ANK3: variants seen among roughly 807,000 people sequenced by gnomAD.
ANK3 encodes ankyrin 3, also known as ankyrin-3.
A neutral mutation model predicts 370.9 loss-of-function variants in ANK3; 57 were observed. The ratio of observed to expected loss-of-function variants is 0.15; its 90% CI spans 0.12 to 0.19. The LOEUF (loss-of-function observed/expected upper bound fraction) is 0.19. Ranked by LOEUF, ANK3 falls within the 10% of genes least tolerant of loss-of-function variation. The pLI is 1.00. For synonymous variants in ANK3, 1,929 were observed against 1,946.3 expected (o/e 0.99, Z 0.23); for missense variants, 4,439 against 5,302.1 (o/e 0.84, Z 5.06).
chr10:60,478,643 A>T (rs540335499), intron 2 of ANK3, among the ~76,000 whole-genome samples: 2 of 152,236 alleles, frequency 1.3e-5, no homozygotes, highest in South Asian at 2.1e-4. Flanking sequence ...GAAAGGAGAA[A>T]ATGATGTTTT....
At chr10:60,309,722 G>C (rs2045924923) in intron 1 of ANK3, among the ~76,000 whole-genome samples, 1 of 152,058 alleles carries the variant, frequency 6.6e-6, no homozygotes, top group African/African-American at 2.4e-5. Flanking sequence ...AGAAAAAACA[G>C]CTGTAGAAAT....
At chr10:60,453,791 T>C (rs2064673198) in intron 2 of ANK3, among the ~76,000 whole-genome samples, 1 of 152,062 alleles carries the variant, frequency 6.6e-6, no homozygotes, top group South Asian at 2.1e-4. Context: ...AATCCCCAAT[T>C]GTGATTGTTT....
chr10:60,086,480 T>C, intron 30 of ANK3, 197 bp downstream of exon 30: 1 of 485,874 alleles, frequency 2.1e-6, no homozygotes, highest in African/African-American at 2.0e-5. Context: ...GACCAGGATC[T>C]TGACCAGGAT....
intron 1 of ANK3, among the ~76,000 whole-genome samples, chr10:60,669,812 A>G (rs912210699): frequency 1.3e-5 from 2 of 151,722 alleles, no homozygotes; most frequent in Non-Finnish European, 2.9e-5. Context: ...ATCTCAGCCT[A>G]GTTGATTTTA....
At chr10:60,139,539 G>T in intron 23 of ANK3, 1 of 154,672 alleles carries the variant, frequency 6.5e-6, no homozygotes, top group Admixed American at 6.5e-5. Context: ...AAAAAAAACT[G>T]GTTTTCTCAC....
At chr10:60,161,394 T>TA (rs1565391375) in intron 23 of ANK3, among the ~76,000 whole-genome samples, 5 of 151,520 alleles carry the variant, frequency 3.3e-5, no homozygotes, top group African/African-American at 7.3e-5. Flanking sequence ...TACATCCAAA[T>TA]AAAAAAAAGA....
At chr10:60,066,870 A>C (rs2081750942) in intron 38 of ANK3, among the ~76,000 whole-genome samples, 1 of 152,162 alleles carries the variant, frequency 6.6e-6, no homozygotes, top group South Asian at 2.1e-4. Flanking sequence ...CAAAATTACA[A>C]TGCAGAATTG....
intron 2 of ANK3, among the ~76,000 whole-genome samples, chr10:60,436,676 C>T (rs557973303): frequency 6.6e-6 from 1 of 152,234 alleles, no homozygotes; most frequent in South Asian, 2.1e-4. Flanking sequence ...CATTGAGTTG[C>T]AAGGATTTTT....
At chr10:60,587,615 G>A (rs2077850374) in intron 2 of ANK3, among the ~76,000 whole-genome samples, 1 of 151,994 alleles carries the variant, frequency 6.6e-6, no homozygotes, top group Non-Finnish European at 1.5e-5. Flanking sequence ...GCCAGAGTGA[G>A]GCATCAAAAA....
At chr10:60,300,459 C>T in intron 1 of ANK3, 1 of 1,284,444 alleles carries the variant, frequency 7.8e-7, no homozygotes. Flanking sequence ...GTTTCCCCCA[C>T]TTCCTAGGAA....
chr10:60,064,693 A>G lies in ANK3; in HGVS notation c.12320-405T>C, dbSNP rs1001263638. 7.2e-5 allele frequency among the ~76,000 whole-genome samples: 11 copies of G among 151,870 alleles called. No individual in the cohort carries two copies. The South Asian group carries it at 1.5e-3, about 20-fold the overall frequency. ...CACAGCAACAACAACAACAACAACA[A>G]CAACAACAACAACAACACAAAAATT... is the stretch of plus-strand genomic sequence containing the variant. On this transcript the variant is annotated intron_variant, in intron 38 of 43. Coordinates refer to ENST00000280772, the MANE Select transcript of ANK3 (RefSeq NM_020987.5).
rs547409472 is a variant in ANK3, at chr10:60,501,148, C to A, written c.96+114038G>T. Among the ~76,000 whole-genome samples, 94 of 152,196 alleles carry A rather than the reference C, an allele frequency of 6.2e-4. No homozygotes were observed. In the Middle Eastern group the frequency reaches 0.01, roughly 17 times the overall value. ...TCTCTGCAAGCCCAAATCAACATAA[C>A]CCTGAGAGCTTTTGACTTTAAGACA... On this transcript the variant is annotated intron_variant, in intron 2 of 43. Coordinates refer to the ANK3 transcript ENST00000373827.
Position 60,167,182 on chromosome 10 carries a change from C to G in ANK3, c.2479-286G>C, listed in dbSNP as rs113174499. ...TTTCAAAGGAAAAGAGAAGATTCTG[C>G]CCCTCCTACTCCACTGCTATACTTT... On this transcript the variant is annotated intron_variant, in intron 21 of 43. Coordinates refer to ENST00000280772, the MANE Select transcript of ANK3 (RefSeq NM_020987.5). Among the ~76,000 whole-genome samples the G allele has an allele frequency of 7.3e-3, 1,111 of 152,210 alleles. 16 individuals carry two copies. Among genetic ancestry groups the G allele is most frequent in the African/African-American group, 0.025 (1,048 of 41,530 alleles).
chr10:60,430,931 A>G (rs973265294), intron 2 of ANK3, among the ~76,000 whole-genome samples: 3 of 152,172 alleles, frequency 2.0e-5, no homozygotes, highest in Non-Finnish European at 4.4e-5. Context: ...TGTAAACCTT[A>G]TAAGTTTGTT....
At chr10:60,614,977 G>A (rs1340567159) in intron 2 of ANK3, among the ~76,000 whole-genome samples, 1 of 152,062 alleles carries the variant, frequency 6.6e-6, no homozygotes, top group Non-Finnish European at 1.5e-5. Context: ...GCACAAGTCC[G>A]GGTGACCAGG....
At chr10:60,143,823 G>A (rs2094682503) in intron 23 of ANK3, among the ~76,000 whole-genome samples, 1 of 152,182 alleles carries the variant, frequency 6.6e-6, no homozygotes, top group South Asian at 2.1e-4. Context: ...GACTCCTCAA[G>A]TCTCTTGAAA....
chr10:60,431,734 A>G (rs2064029664), intron 2 of ANK3, among the ~76,000 whole-genome samples: 1 of 152,138 alleles, frequency 6.6e-6, no homozygotes, highest in South Asian at 2.1e-4. Context: ...CCACCATGGC[A>G]AGTGTATACC....
intron 2 of ANK3, among the ~76,000 whole-genome samples, chr10:60,437,954 T>A (rs1216246678): frequency 6.6e-6 from 1 of 152,330 alleles, no homozygotes; most frequent in Middle Eastern, 3.4e-3. Flanking sequence ...CAAAACTCTA[T>A]GCTTTTATTA....
chr10:60,166,289 C>T (rs1263153087), intron 23 of ANK3, among the ~76,000 whole-genome samples: 1 of 151,890 alleles, frequency 6.6e-6, no homozygotes, highest in Non-Finnish European at 1.5e-5. Flanking sequence ...ATTTCAGATG[C>T]AAACAATAAA....
Sources: allele counts gnomAD v4.1 joint callset (sites outside exome capture counted in the v4.1 genomes callset), GRCh38; gene constraint gnomAD v4.1.1; transcripts MANE v1.5; gene names NCBI Gene and HGNC (gene_info 2026-07-23, HGNC 2026-07-21).